The following LRRTM4 variants were observed in gnomAD, a reference collection of about 807,000 sequenced individuals.
The protein encoded by LRRTM4 is leucine-rich repeat transmembrane neuronal protein 4.
Under a neutral mutation model 47.6 loss-of-function variants are expected in LRRTM4, and 25 were observed. That is an observed-to-expected ratio of 0.53 (90% CI 0.38 to 0.73). The LOEUF is 0.73. LRRTM4 is among the 30% of genes least tolerant of loss of function. LRRTM4 has a pLI of 0.00. For missense variants in LRRTM4, 638 were observed against 713.4 expected (o/e 0.89, Z 1.20); for synonymous variants, 311 against 269.5 (o/e 1.15, Z -1.51).
chr2:76,852,944 A>G (rs1672040419), intron 3 of LRRTM4, among the ~76,000 whole-genome samples: 1 of 152,152 alleles, frequency 6.6e-6, no homozygotes, highest in Non-Finnish European at 1.5e-5. Context: ...TTGTTATATT[A>G]GAAAAAAACA....
At chr2:77,128,850 G>T (rs1037857296) in intron 3 of LRRTM4, among the ~76,000 whole-genome samples, 20 of 152,162 alleles carry the variant, frequency 1.3e-4, no homozygotes, top group African/African-American at 4.8e-4. Flanking sequence ...ATGTTGCTCA[G>T]GCTGGTCTCA....
chr2:77,005,562 T>C (rs541981161), intron 3 of LRRTM4, among the ~76,000 whole-genome samples: 1 of 152,288 alleles, frequency 6.6e-6, no homozygotes, highest in South Asian at 2.1e-4. Context: ...CCACATGTCA[T>C]GGAAGGGACC....
chr2:76,949,323 T>G (rs1160702559), intron 3 of LRRTM4, among the ~76,000 whole-genome samples: 16 of 151,838 alleles, frequency 1.1e-4, no homozygotes, highest in Non-Finnish European at 2.9e-5. Flanking sequence ...TATGAAGAAG[T>G]ATGAAGAAGT....
At chr2:77,448,262 T>C (rs1226009388) in intron 3 of LRRTM4, among the ~76,000 whole-genome samples, 1 of 152,156 alleles carries the variant, frequency 6.6e-6, no homozygotes, top group Admixed American at 6.5e-5. Flanking sequence ...TGTTCAGCAC[T>C]GTGGTTCAAC....
At chr2:77,102,073 C>A (rs75923182) in intron 3 of LRRTM4, among the ~76,000 whole-genome samples, 5,488 of 152,278 alleles carry the variant, frequency 0.036, 108 homozygotes, top group African/African-American at 0.045. Flanking sequence ...GCTGTTTCAG[C>A]AACATTGGGC....
At chr2:77,333,861 C>T (rs1671061085) in intron 3 of LRRTM4, among the ~76,000 whole-genome samples, 1 of 152,122 alleles carries the variant, frequency 6.6e-6, no homozygotes. Context: ...AAGCTGCGGA[C>T]ACTCAGCACC....
At chr2:77,128,791 C>G (rs1296969373) in intron 3 of LRRTM4, among the ~76,000 whole-genome samples, 1 of 151,638 alleles carries the variant, frequency 6.6e-6, no homozygotes, top group African/African-American at 2.4e-5. Context: ...AGGCGCCCAC[C>G]ACCATGCCCG....
At chr2:77,265,390 GGGT>G (rs1201133201) in intron 3 of LRRTM4, among the ~76,000 whole-genome samples, 8 of 151,946 alleles carry the variant, frequency 5.3e-5, no homozygotes, top group African/African-American at 1.9e-4. Context: ...CTAGTATTCT[GGGT>G]GTTAGAGTCT....
chr2:76,880,554 A>G (rs1436813709), intron 3 of LRRTM4, among the ~76,000 whole-genome samples: 1 of 152,174 alleles, frequency 6.6e-6, no homozygotes, highest in Non-Finnish European at 1.5e-5. Context: ...GACTTGCTTT[A>G]TTATGTTATT....
intron 3 of LRRTM4, among the ~76,000 whole-genome samples, chr2:76,794,439 TTTGTTA>T (rs1251380540): frequency 1.3e-5 from 2 of 152,238 alleles, no homozygotes; most frequent in African/African-American, 2.4e-5. Flanking sequence ...TTCCAGCTAT[TTTGTTA>T]TAGTTGTGAA....
intron 3 of LRRTM4, among the ~76,000 whole-genome samples, chr2:76,756,069 G>C (rs1343741375): frequency 1.3e-5 from 2 of 152,152 alleles, no homozygotes; most frequent in African/African-American, 4.8e-5. Context: ...GGCCATGCCA[G>C]GCAAGGATTA....
intron 3 of LRRTM4, among the ~76,000 whole-genome samples, chr2:76,934,609 G>A (rs945218041): frequency 2.6e-5 from 4 of 152,130 alleles, no homozygotes; most frequent in Non-Finnish European, 2.9e-5. Context: ...TATTCCCACC[G>A]TGGCCAATTT....
chr2:77,113,047 G>C (rs1322853956), intron 3 of LRRTM4, among the ~76,000 whole-genome samples: 1 of 152,052 alleles, frequency 6.6e-6, no homozygotes, highest in Non-Finnish European at 1.5e-5. Flanking sequence ...GCTTGGCCTG[G>C]GGTGCGTAAT....
chr2:76,993,841 T>G (rs868354863), intron 3 of LRRTM4, among the ~76,000 whole-genome samples: 1 of 152,074 alleles, frequency 6.6e-6, no homozygotes. Context: ...ATAGGAAAGA[T>G]ATGAAATCAA....
At position 77,472,342 on chromosome 2, in the gene LRRTM4, A is replaced by G. The variant is rs556598513; in HGVS notation, c.1551+45976T>C. On this transcript the variant is annotated intron_variant, in intron 3 of 3. Transcript: ENST00000409884. ...TATAATAAAGAAAATATCTCTAAAC[A>G]GAAACACATGGAAAGAAATTACATA... 3.3e-5 allele frequency among the ~76,000 whole-genome samples: 5 copies of G among 152,296 alleles called. No individual in the cohort carries two copies. In the South Asian group the frequency reaches 8.3e-4, roughly 25 times the overall value.
chr2:77,378,445 A>G (rs1672920552), intron 3 of LRRTM4, among the ~76,000 whole-genome samples: 1 of 152,094 alleles, frequency 6.6e-6, no homozygotes, highest in Non-Finnish European at 1.5e-5. Context: ...ATGTATCTCT[A>G]TATAAGATTT....
At chr2:77,361,490 A>C (rs527845128) in intron 3 of LRRTM4, among the ~76,000 whole-genome samples, 1 of 152,080 alleles carries the variant, frequency 6.6e-6, no homozygotes, top group Non-Finnish European at 1.5e-5. Flanking sequence ...ACAAATTATA[A>C]TGCTCAAATC....
intron 3 of LRRTM4, among the ~76,000 whole-genome samples, chr2:76,856,059 C>A (rs1027790596): frequency 6.6e-6 from 1 of 152,068 alleles, no homozygotes; most frequent in Non-Finnish European, 1.5e-5. Flanking sequence ...GGCGGATTAC[C>A]TGAGGTCAGG....
intron 3 of LRRTM4, among the ~76,000 whole-genome samples, chr2:77,136,977 GA>G (rs1671963611): frequency 1.3e-5 from 2 of 151,960 alleles, no homozygotes; most frequent in African/African-American, 4.8e-5. Flanking sequence ...GGGACTATGT[GA>G]AAAGACCAAA....
Sources: gnomAD v4.1 joint callset for allele counts (sites outside exome capture counted in the v4.1 genomes callset) on GRCh38, gnomAD v4.1.1 for gene constraint, MANE v1.5 for transcripts, NCBI Gene and HGNC (gene_info 2026-07-23, HGNC 2026-07-21) for gene names.